CELF2: variants seen among roughly 807,000 people sequenced by gnomAD.
The protein encoded by CELF2 is CUGBP Elav-like family member 2, also known as CUG triplet repeat RNA-binding protein 2.
A neutral mutation model predicts 62.6 loss-of-function variants in CELF2; 8 were observed. That is an observed-to-expected ratio of 0.13 (90% CI 0.07 to 0.23). CELF2 has a LOEUF of 0.23. CELF2 is among the 10% of genes least tolerant of loss of function. The probability of loss-of-function intolerance (pLI) is 1.00; values close to 1 mark genes in which losing one functional copy is unlikely to be tolerated. For missense variants in CELF2, 333 were observed against 671.0 expected, an observed-to-expected ratio of 0.50 and a Z score of 5.56; for synonymous variants, 258 against 250.0, an observed-to-expected ratio of 1.03 and a Z score of -0.30.
chr10:11,086,910 C>A (rs1239631552), intron 1 of CELF2, among the ~76,000 whole-genome samples: 15 of 152,190 alleles, frequency 9.9e-5, no homozygotes, highest in African/African-American at 3.1e-4. Flanking sequence ...CCACTGAGGG[C>A]AAAATTGATC....
At chr10:10,497,484 C>T in the CELF2 span, among the ~76,000 whole-genome samples, 2 of 152,060 alleles carry the variant, frequency 1.3e-5, no homozygotes, top group South Asian at 2.1e-4. Flanking sequence ...AAGAGAAAGG[C>T]ACTACACAAT....
the CELF2 span, among the ~76,000 whole-genome samples, chr10:10,588,848 A>G: frequency 6.6e-6 from 1 of 152,204 alleles, no homozygotes; most frequent in Non-Finnish European, 1.5e-5. Context: ...TGTGGATGCC[A>G]GTATTCACAG....
In CELF2 at chr10:11,246,953, C is replaced by T. The variant is rs76116150; in HGVS notation, c.355-2200C>T. On this transcript the variant is annotated intron_variant, in intron 3 of 12. Coordinates refer to ENST00000633077, the MANE Select transcript of CELF2 (RefSeq NM_001326342.2). This position sits in a 1 kb window ranked among gnomAD's most constrained non-coding sequence, Gnocchi z 4.6. ...CCGCCTCTGAAACTCTTTGCTCATG[C>T]TTTCCCCATTCGGGCAGTCATCCCA... Among the ~76,000 whole-genome samples the T allele has an allele frequency of 0.054, 8,235 of 152,250 alleles. 611 individuals are homozygous for T. The highest frequency in any genetic ancestry group is 0.17 in the African/African-American group (6,874 of 41,516).
At chr10:10,627,891 T>A in the CELF2 span, among the ~76,000 whole-genome samples, 1 of 152,186 alleles carries the variant, frequency 6.6e-6, no homozygotes, top group African/African-American at 2.4e-5. Context: ...TGCAGATGCC[T>A]AATTCTTTAT....
At chr10:11,026,483 G>A (rs2059231515) in intron 1 of CELF2, among the ~76,000 whole-genome samples, 1 of 152,128 alleles carries the variant, frequency 6.6e-6, no homozygotes, top group African/African-American at 2.4e-5. Context: ...AAACTCTTAG[G>A]GGAATAATAG....
At chr10:10,966,074 C>T (rs2050093479) in intron 2 of CELF2, among the ~76,000 whole-genome samples, 1 of 152,224 alleles carries the variant, frequency 6.6e-6, no homozygotes, top group Non-Finnish European at 1.5e-5. Context: ...TCCAGCACCA[C>T]CCACTAAAGT....
chr10:11,273,732 T>G (rs894359256), intron 7 of CELF2, among the ~76,000 whole-genome samples: 3 of 103,010 alleles, frequency 2.9e-5, no homozygotes, highest in African/African-American at 4.3e-5. Flanking sequence ...TGTTTTTTTG[T>G]TTTTTTTGAG....
the CELF2 span, among the ~76,000 whole-genome samples, chr10:10,669,118 G>T: frequency 6.6e-6 from 1 of 152,202 alleles, no homozygotes. Flanking sequence ...CAGCTCAGTA[G>T]TGGTTTGGTG....
chr10:10,782,624 G>A, the CELF2 span, among the ~76,000 whole-genome samples: 1 of 152,176 alleles, frequency 6.6e-6, no homozygotes, highest in Admixed American at 6.5e-5. Flanking sequence ...TTCCCCCCTT[G>A]CCAGTAAACA....
chr10:11,199,569 T>C (rs1342657932), intron 2 of CELF2, among the ~76,000 whole-genome samples: 1 of 152,288 alleles, frequency 6.6e-6, no homozygotes, highest in East Asian at 1.9e-4. Flanking sequence ...CCCCCAAGTG[T>C]GCCTTCTCTT....
chr10:10,490,035 A>T, the CELF2 span, among the ~76,000 whole-genome samples: 2 of 152,130 alleles, frequency 1.3e-5, no homozygotes, highest in Non-Finnish European at 2.9e-5. Context: ...TTTGTTATTT[A>T]TCTGAAACAT....
At chr10:10,898,260 A>C (rs1453643128) in intron 1 of CELF2, among the ~76,000 whole-genome samples, 1 of 151,892 alleles carries the variant, frequency 6.6e-6, no homozygotes, top group African/African-American at 2.4e-5. Flanking sequence ...CACCAAACCT[A>C]ATTTATGTGA....
chr10:10,570,875 A>AT, the CELF2 span, among the ~76,000 whole-genome samples: 1 of 152,148 alleles, frequency 6.6e-6, no homozygotes, highest in Non-Finnish European at 1.5e-5. Context: ...ATGTGAAGAC[A>AT]TGTTTCTGAG....
At chr10:10,497,063 T>C in the CELF2 span, among the ~76,000 whole-genome samples, 2 of 151,906 alleles carry the variant, frequency 1.3e-5, no homozygotes, top group African/African-American at 4.8e-5. Flanking sequence ...AGGTGGCACA[T>C]GCCTATAATC....
the CELF2 span, among the ~76,000 whole-genome samples, chr10:10,693,809 G>A: frequency 6.6e-6 from 1 of 151,822 alleles, no homozygotes; most frequent in African/African-American, 2.4e-5. Context: ...AGAGGTGTTT[G>A]TAGTATTCTC....
chr10:10,696,656 T>C, the CELF2 span, among the ~76,000 whole-genome samples: 95 of 152,084 alleles, frequency 6.2e-4, 1 homozygote, highest in African/African-American at 1.7e-3. Flanking sequence ...ACCAGTGAGA[T>C]TCCGTGGGTG....
the CELF2 span, among the ~76,000 whole-genome samples, chr10:10,744,937 A>G: frequency 6.6e-6 from 1 of 152,104 alleles, no homozygotes; most frequent in Non-Finnish European, 1.5e-5. Context: ...TGCAGTTTGT[A>G]TATGGAGTTC....
rs1240632029 is a variant in CELF2 at position 11,335,863 on chromosome 10, A to C, written c.*6810A>C. On this transcript the variant is annotated 3_prime_UTR_variant, in exon 13 of 13. Coordinates refer to ENST00000633077, the MANE Select transcript of CELF2 (RefSeq NM_001326342.2). This position sits in a 1 kb window ranked among gnomAD's most constrained non-coding sequence, Gnocchi z 5.0. ...GCTAAGCAAAGGAAGAGAAAGACAA[A>C]GCCAGTTTTTGTTGCTTTTCTAAAG... is the stretch of plus-strand genomic sequence containing the variant. The C allele has an allele frequency of 6.6e-6, 1 of 152,246 alleles. No individual in the cohort carries two copies. Among genetic ancestry groups the C allele is most frequent in the Non-Finnish European group, 1.5e-5 (1 of 68,038 alleles). 9.4% of individuals were successfully genotyped at this position (152,246 alleles called of 1,614,324 possible).
intron 2 of CELF2, among the ~76,000 whole-genome samples, chr10:10,965,989 C>T (rs1436929223): frequency 6.6e-6 from 1 of 152,178 alleles, no homozygotes; most frequent in African/African-American, 2.4e-5. Context: ...GTCTCCCTAA[C>T]ACAAAATATT....
Sources: allele counts gnomAD v4.1 joint callset (sites outside exome capture counted in the v4.1 genomes callset), GRCh38; gene constraint gnomAD v4.1.1; non-coding constraint Gnocchi (gnomAD v3.1); transcripts MANE v1.5; gene names NCBI Gene and HGNC (gene_info 2026-07-23, HGNC 2026-07-21).